SUPT3H: variants seen among roughly 807,000 people sequenced by gnomAD.
SUPT3H encodes the protein SPT3 homolog, SAGA and STAGA complex component.
In SUPT3H, 44 loss-of-function variants were observed where a neutral mutation model predicts 44.3. The ratio of observed to expected loss-of-function variants is 0.99; its 90% confidence interval spans 0.78 to 1.28. The LOEUF is 1.28. SUPT3H is among the 50% of genes most tolerant of loss of function. SUPT3H has a pLI of 0.00. For synonymous variants in SUPT3H, 124 were observed against 125.6 expected (o/e 0.99, Z 0.09); for missense variants, 380 against 387.1 (o/e 0.98, Z 0.15).
At chr6:45,180,105 C>T (rs932155757) in intron 2 of SUPT3H, among the ~76,000 whole-genome samples, 28 of 139,460 alleles carry the variant, frequency 2.0e-4, no homozygotes, top group Middle Eastern at 3.5e-3. Context: ...CATGAGTGAA[C>T]TCCCATTCGC....
intron 7 of SUPT3H, among the ~76,000 whole-genome samples, chr6:44,955,763 C>T (rs1775030025): frequency 6.6e-6 from 1 of 152,144 alleles, no homozygotes; most frequent in African/African-American, 2.4e-5. Flanking sequence ...AAAGACTGCA[C>T]ATTGGGTACA....
chr6:44,871,522 A>G (rs1290409721), intron 10 of SUPT3H, among the ~76,000 whole-genome samples: 50 of 1,774 alleles, frequency 0.028, 4 homozygotes, highest in African/African-American at 0.12. Context: ...AAAGACCAAA[A>G]GTAGATAAAA....
At chr6:44,846,816 G>T (rs975997664) in intron 10 of SUPT3H, among the ~76,000 whole-genome samples, 5 of 152,088 alleles carry the variant, frequency 3.3e-5, no homozygotes, top group Non-Finnish European at 7.4e-5. Flanking sequence ...ATTTTTGGTA[G>T]AGACGGGGTT....
chr6:45,255,355 A>G (rs1421463899), intron 2 of SUPT3H, among the ~76,000 whole-genome samples: 2 of 151,466 alleles, frequency 1.3e-5, no homozygotes, highest in East Asian at 3.9e-4. Context: ...CTCTGCACCA[A>G]GTATTATTCA....
intron 10 of SUPT3H, among the ~76,000 whole-genome samples, chr6:44,866,362 T>C (rs1458562273): frequency 1.3e-5 from 2 of 152,050 alleles, no homozygotes; most frequent in African/African-American, 2.4e-5. Context: ...TGCACGCCTG[T>C]AGTCCCACTT....
Position 44,983,327 on chromosome 6 carries a change from A to G in SUPT3H, c.504+20326T>C, listed in dbSNP as rs566441164. Among the ~76,000 whole-genome samples the G allele has an allele frequency of 3.9e-5, 6 of 152,318 alleles. No homozygotes were observed. In the East Asian group the frequency reaches 9.6e-4, roughly 24 times the overall value. ...TGGTTTTCTGATAATAAGGAGATAA[A>G]GTGAGCCTTCAAAAATTTACATTAA... is the stretch of plus-strand genomic sequence containing the variant. On this transcript the variant is annotated intron_variant, in intron 6 of 10. Transcript: ENST00000371459.
chr6:44,954,013 C>T lies in SUPT3H; in HGVS notation c.693+482G>A, dbSNP rs557648513. On this transcript the variant is annotated intron_variant, in intron 8 of 10. Coordinates refer to ENST00000371459, the MANE Select transcript of SUPT3H (RefSeq NM_003599.4). ...TCGGCCTCCCAAAGTGTTGGGATTA[C>T]AGGCAAGAGCCACCGCGCCTGGCCA... is the stretch of plus-strand genomic sequence containing the variant. Among the ~76,000 whole-genome samples, 29 of 152,288 alleles carry T rather than the reference C, an allele frequency of 1.9e-4. No homozygotes were observed. The South Asian group carries it at 3.1e-3, about 16-fold the overall frequency.
intron 2 of SUPT3H, among the ~76,000 whole-genome samples, chr6:45,203,943 T>C (rs1415759761): frequency 6.6e-6 from 1 of 152,044 alleles, no homozygotes; most frequent in African/African-American, 2.4e-5. Context: ...TATAATAAAT[T>C]ATTAGTTCCG....
At chr6:44,846,625 A>G (rs944109042) in intron 10 of SUPT3H, among the ~76,000 whole-genome samples, 7 of 151,746 alleles carry the variant, frequency 4.6e-5, no homozygotes, top group African/African-American at 7.3e-5. Context: ...GTCTTTCCCA[A>G]TTGAATTTTT....
chr6:44,927,354 C>T (rs1207267436), intron 10 of SUPT3H, among the ~76,000 whole-genome samples: 5 of 152,098 alleles, frequency 3.3e-5, no homozygotes, highest in East Asian at 1.9e-4. Context: ...TCTATATTTT[C>T]GTAATTTTCT....
chr6:45,173,130 G>C (rs1257055626), intron 2 of SUPT3H, among the ~76,000 whole-genome samples: 1 of 151,950 alleles, frequency 6.6e-6, no homozygotes. Flanking sequence ...TAAATTCTTG[G>C]TGGATTTCTT....
At chr6:45,224,983 A>T (rs910111258) in intron 2 of SUPT3H, among the ~76,000 whole-genome samples, 1 of 152,104 alleles carries the variant, frequency 6.6e-6, no homozygotes, top group Non-Finnish European at 1.5e-5. Flanking sequence ...TTAAACTTCT[A>T]AAAATATACA....
chr6:45,299,462 G>C (rs1385218588), intron 2 of SUPT3H, among the ~76,000 whole-genome samples: 1 of 152,048 alleles, frequency 6.6e-6, no homozygotes, highest in Non-Finnish European at 1.5e-5. Context: ...TTGAAGATTA[G>C]AGATTTTAAT....
intron 3 of SUPT3H, among the ~76,000 whole-genome samples, chr6:45,030,027 A>C (rs1331434742): frequency 6.6e-6 from 1 of 152,188 alleles, no homozygotes; most frequent in Non-Finnish European, 1.5e-5. Flanking sequence ...GGCCTCCCAG[A>C]GTGCTGGGAT....
chr6:44,886,363 G>C (rs572114763), intron 10 of SUPT3H, among the ~76,000 whole-genome samples: 2 of 152,250 alleles, frequency 1.3e-5, no homozygotes, highest in African/African-American at 2.4e-5. Context: ...AGGGCAGCCA[G>C]AGAGAAAGGT....
chr6:45,153,789 C>A (rs768746855), intron 2 of SUPT3H, among the ~76,000 whole-genome samples: 22 of 151,724 alleles, frequency 1.5e-4, no homozygotes, highest in Admixed American at 1.3e-4. Flanking sequence ...GAGCTTAGGC[C>A]GGGCACGGTG....
chr6:44,922,342 A>G (rs1361205164), intron 10 of SUPT3H, among the ~76,000 whole-genome samples: 1 of 152,222 alleles, frequency 6.6e-6, no homozygotes, highest in East Asian at 1.9e-4. Flanking sequence ...TCATTTTTGA[A>G]AGGTGCAAAT....
At chr6:45,093,388 G>A (rs559819552) in intron 3 of SUPT3H, among the ~76,000 whole-genome samples, 4 of 152,094 alleles carry the variant, frequency 2.6e-5, no homozygotes, top group Admixed American at 6.6e-5. Flanking sequence ...CATAGTAGAT[G>A]TTTACTAACT....
chr6:45,287,290 GA>G (rs1779480308), intron 2 of SUPT3H, among the ~76,000 whole-genome samples: 1 of 151,896 alleles, frequency 6.6e-6, no homozygotes. Context: ...TAACATGAGT[GA>G]ATGGCTGATA....
Sources: allele counts gnomAD v4.1 joint callset (sites outside exome capture counted in the v4.1 genomes callset), GRCh38; gene constraint gnomAD v4.1.1; transcripts MANE v1.5; gene names NCBI Gene and HGNC (gene_info 2026-07-23, HGNC 2026-07-21).